The following VPS4B variants were observed in gnomAD, a reference collection of about 807,000 sequenced individuals.
VPS4B encodes vacuolar protein sorting 4 homolog B.
In VPS4B, 23 loss-of-function variants were observed where a neutral mutation model predicts 56.1. The ratio of observed to expected loss-of-function variants is 0.41; its 90% confidence interval spans 0.30 to 0.58. The LOEUF is 0.58. Among genes scored for constraint, VPS4B ranks in the 20% least tolerant of loss-of-function variants. VPS4B has a pLI of 0.29. For synonymous variants in VPS4B, 177 were observed against 186.0 expected, an observed-to-expected ratio of 0.95 and a Z score of 0.39; for missense variants, 372 against 531.9, an observed-to-expected ratio of 0.70 and a Z score of 2.96.
chr18:63,417,504 C>T (rs1410452182), intron 1 of VPS4B, among the ~76,000 whole-genome samples: 1 of 152,140 alleles, frequency 6.6e-6, no homozygotes, highest in Non-Finnish European at 1.5e-5. Flanking sequence ...TCCTCCTTCT[C>T]AGCGTCCTTC....
intron 1 of VPS4B, 40 bp from the exon 2 acceptor site, chr18:63,411,618 C>A: frequency 1.4e-6 from 2 of 1,392,604 alleles, no homozygotes; most frequent in Admixed American, 2.5e-5. Context: ...TAAATCAAAG[C>A]ATAAACATAA....
At chr18:63,404,167 C>A (rs898725802) in intron 4 of VPS4B, among the ~76,000 whole-genome samples, 1 of 151,970 alleles carries the variant, frequency 6.6e-6, no homozygotes. Context: ...TGGAAAAGCA[C>A]CAAACGTTCC....
intron 9 of VPS4B, among the ~76,000 whole-genome samples, chr18:63,395,187 G>A: frequency 6.6e-6 from 1 of 152,120 alleles, no homozygotes; most frequent in Admixed American, 6.5e-5. Context: ...GCTCACCCTG[G>A]CAGTAATATG....
intron 5 of VPS4B, among the ~76,000 whole-genome samples, chr18:63,403,403 T>C (rs1915853864): frequency 6.6e-6 from 1 of 152,248 alleles, no homozygotes; most frequent in Non-Finnish European, 1.5e-5. Context: ...TTCAATAAAA[T>C]ACAATGCAGA....
chr18:63,414,011 G>T (rs923468258), intron 1 of VPS4B, among the ~76,000 whole-genome samples: 6 of 152,168 alleles, frequency 3.9e-5, no homozygotes, highest in African/African-American at 1.2e-4. Flanking sequence ...GAGTCACACA[G>T]TCAAGTGGTG....
At chr18:63,401,624 G>C (rs529368222) in intron 5 of VPS4B, among the ~76,000 whole-genome samples, 1 of 152,120 alleles carries the variant, frequency 6.6e-6, no homozygotes, top group South Asian at 2.1e-4. Context: ...CCTCAATTTT[G>C]CTAATGAGCA....
intron 3 of VPS4B, 81 bp downstream of exon 3, chr18:63,410,209 T>C: frequency 6.4e-7 from 1 of 1,562,790 alleles, no homozygotes; most frequent in Non-Finnish European, 8.6e-7. Context: ...CATAGTTTGC[T>C]GACACCTGTT....
At chr18:63,417,020 C>A (rs1381543509) in intron 1 of VPS4B, among the ~76,000 whole-genome samples, 1 of 152,160 alleles carries the variant, frequency 6.6e-6, no homozygotes, top group Non-Finnish European at 1.5e-5. Context: ...TCCATGAGGA[C>A]AGGACTTCAC....
intron 5 of VPS4B, among the ~76,000 whole-genome samples, chr18:63,401,386 C>G (rs1915803183): frequency 6.6e-6 from 1 of 152,060 alleles, no homozygotes. Context: ...TCCCAGGTAG[C>G]TGAGATTATA....
intron 7 of VPS4B, 123 bp from the exon 8 acceptor site, chr18:63,399,446 C>T (rs1339881880): frequency 2.5e-6 from 2 of 798,642 alleles, no homozygotes; most frequent in African/African-American, 3.5e-5. Flanking sequence ...GAGAGTCTGT[C>T]TTTGGAAAAG....
chr18:63,396,133 G>C (rs1915663050), intron 9 of VPS4B, among the ~76,000 whole-genome samples: 1 of 152,196 alleles, frequency 6.6e-6, no homozygotes, highest in South Asian at 2.1e-4. Context: ...AAATATTCTA[G>C]ATGTGTCAGA....
Position 63,394,228 on chromosome 18 carries a change from T to G in VPS4B, c.1093-679A>C, listed in dbSNP as rs563649969. Reference sequence around the variant, plus strand: ...AGATATATTAAAAAATTCTCAGAAGTTGCTCTATAGCTGAGAAACTTCTGT... The same window carrying G: ...AGATATATTAAAAAATTCTCAGAAGGTGCTCTATAGCTGAGAAACTTCTGT... On this transcript the variant is annotated intron_variant, in intron 9 of 10. Coordinates refer to ENST00000238497, the MANE Select transcript of VPS4B (RefSeq NM_004869.4). Among the ~76,000 whole-genome samples, 27 of 152,350 alleles carry G rather than the reference T, an allele frequency of 1.8e-4. 2 individuals are homozygous for G. In the South Asian group the frequency reaches 5.6e-3, roughly 32 times the overall value.
chr18:63,403,849 T>C lies in VPS4B; in HGVS notation c.365-23A>G, dbSNP rs761120215. ...CACCTGCAAAAAATTACGTTATCTT[T>C]AAATTAAGAAAGACTATTTCACCAA... On this transcript the variant is annotated intron_variant, in intron 4 of 10. Coordinates refer to ENST00000238497, the MANE Select transcript of VPS4B (RefSeq NM_004869.4). The C allele has an allele frequency of 6.9e-5, 109 of 1,590,536 alleles. No individual in the cohort carries two copies. In the Middle Eastern group the frequency reaches 1.5e-3, roughly 22 times the overall value.
chr18:63,419,069 C>CA (rs1688492715), intron 1 of VPS4B, among the ~76,000 whole-genome samples: 1 of 152,272 alleles, frequency 6.6e-6, no homozygotes, highest in African/African-American at 2.4e-5. Flanking sequence ...GTTGGGTACT[C>CA]AGATACCCAA....
rs894597629 is a variant in VPS4B at position 63,389,449 on chromosome 18, T to C, written c.*1526A>G. ...ACACTTTAAAATGCAAGTTATTCTATAGCATTTGCAAGATAGAATTTCACT... is the reference window on the plus strand; with the variant it reads ...ACACTTTAAAATGCAAGTTATTCTACAGCATTTGCAAGATAGAATTTCACT... On this transcript the variant is annotated 3_prime_UTR_variant, in exon 11 of 11. Transcript: ENST00000238497. The C allele has an allele frequency of 1.3e-5, 2 of 152,676 alleles. No homozygotes were observed. The highest frequency in any genetic ancestry group is 2.9e-5 in the Non-Finnish European group (2 of 68,054). The allele number at this position is 152,676 out of a possible 1,614,324, so 9.5% of individuals were successfully genotyped here. A position where few individuals can be genotyped will look rare whatever the true frequency, so the allele number is the denominator to read the frequency against.
chr18:63,410,246 A>C (rs763472280), intron 3 of VPS4B, 44 bp downstream of exon 3: 2 of 1,600,182 alleles, frequency 1.2e-6, no homozygotes, highest in East Asian at 4.5e-5. Flanking sequence ...TCACAAATCG[A>C]AAGCAAAAAG....
intron 9 of VPS4B, among the ~76,000 whole-genome samples, chr18:63,393,804 T>G (rs992332997): frequency 2.6e-5 from 4 of 152,126 alleles, no homozygotes; most frequent in Non-Finnish European, 2.9e-5. Flanking sequence ...TGGCACGATG[T>G]CAGCTCACTG....
chr18:63,412,082 AG>A, intron 1 of VPS4B, among the ~76,000 whole-genome samples: 1 of 152,370 alleles, frequency 6.6e-6, no homozygotes, highest in Middle Eastern at 3.4e-3. Flanking sequence ...ATTTCAATCC[AG>A]TAATTAACTA....
At chr18:63,413,042 G>C (rs112414226) in intron 1 of VPS4B, among the ~76,000 whole-genome samples, 1 of 152,086 alleles carries the variant, frequency 6.6e-6, no homozygotes, top group East Asian at 1.9e-4. Flanking sequence ...AACTAGTATC[G>C]AGAATACATA....
Sources: gnomAD v4.1 joint callset for allele counts (sites outside exome capture counted in the v4.1 genomes callset) on GRCh38, gnomAD v4.1.1 for gene constraint, MANE v1.5 for transcripts, NCBI Gene and HGNC (gene_info 2026-07-23, HGNC 2026-07-21) for gene names.